The following ATR variants were observed in gnomAD, a reference collection of about 807,000 sequenced individuals.
ATR encodes ATR checkpoint kinase, also known as serine/threonine-protein kinase ATR.
Under a neutral mutation model 305.3 loss-of-function variants are expected in ATR, and 142 were observed. The ratio of observed to expected loss-of-function variants is 0.47; its 90% CI spans 0.41 to 0.53. ATR has a LOEUF of 0.53. Ranked by LOEUF, ATR falls within the 20% of genes least tolerant of loss-of-function variation. ATR has a pLI of 0.00. For synonymous variants in ATR, 1,050 were observed against 1,068.1 expected, an observed-to-expected ratio of 0.98 and a Z score of 0.33; for missense variants, 2,135 against 3,133.1, an observed-to-expected ratio of 0.68 and a Z score of 7.60.
intron 35 of ATR, among the ~76,000 whole-genome samples, chr3:142,490,297 C>G (rs1309870988): frequency 6.6e-6 from 1 of 152,192 alleles, no homozygotes; most frequent in Non-Finnish European, 1.5e-5. Context: ...TTCAAGTGAT[C>G]CTCAGGCCTC....
chr3:142,481,223 T>G (rs1441553718), intron 36 of ATR, among the ~76,000 whole-genome samples: 2 of 152,246 alleles, frequency 1.3e-5, no homozygotes, highest in African/African-American at 4.8e-5. Flanking sequence ...TCGGCCATCT[T>G]GGAACCGCCC....
At chr3:142,540,521 T>C (rs1355294022) in intron 18 of ATR, among the ~76,000 whole-genome samples, 1 of 152,176 alleles carries the variant, frequency 6.6e-6, no homozygotes, top group African/African-American at 2.4e-5. Context: ...AAGGTTATTT[T>C]TTAAATGTCC....
rs757887087 is a variant in ATR, at chr3:142,465,224, G to A, written c.6914C>T (p.Ser2305Phe). Residue 2305 changes from serine to phenylalanine, a missense_variant, in exon 41 of 47, where the codon TCT (serine) becomes TTT (phenylalanine). Coordinates refer to ENST00000350721, the MANE Select transcript of ATR (RefSeq NM_001184.4). ...AGAAATCTTCTTTGGTTTCTGAAGA[G>A]AAGCAAGAATTTCCACCTAAAAGAT... ...GFDDMVEILA[S>F]LQKPKKISLK... 2 of 1,610,064 alleles carry A rather than the reference G, an allele frequency of 1.2e-6. No homozygotes were observed. Among genetic ancestry groups the A allele is most frequent in the South Asian group, 2.2e-5 (2 of 90,868 alleles).
intron 35 of ATR, among the ~76,000 whole-genome samples, chr3:142,489,165 T>C (rs1265106656): frequency 6.6e-6 from 1 of 152,036 alleles, no homozygotes; most frequent in Non-Finnish European, 1.5e-5. Flanking sequence ...AGCAAGACCC[T>C]ATCTCCACAA....
At position 142,522,952 on chromosome 3, in the gene ATR, TAGACAA is replaced by T; in HGVS notation, c.4153-117_4153-112del. 3.5e-6 allele frequency: 3 copies of T among 845,566 alleles called. No individual in the cohort carries two copies. In the South Asian group the frequency reaches 4.3e-5, roughly 12 times the overall value. 52.4% of individuals were successfully genotyped at this position (845,566 alleles called of 1,614,324 possible). On this transcript the variant is annotated intron_variant, in intron 22 of 46. Transcript: ENST00000350721. Reference sequence around the variant, plus strand: ...CTTAACTGCGTAAGTGAATTTAACTTAGACAAAGGAAAAGACAGTGAGGTTCAAACT... The same window carrying T: ...CTTAACTGCGTAAGTGAATTTAACTTAGGAAAAGACAGTGAGGTTCAAACT...
At position 142,458,948 on chromosome 3, in the gene ATR, T is replaced by C. The variant is rs1287934773; in HGVS notation, c.7503+10A>G. 2 of 1,612,816 alleles carry C rather than the reference T, an allele frequency of 1.2e-6. No individual in the cohort carries two copies. Among genetic ancestry groups the C allele is most frequent in the Admixed American group, 1.7e-5 (1 of 59,976 alleles). On this transcript the variant is annotated intron_variant, in intron 44 of 46. Coordinates refer to ENST00000350721, the MANE Select transcript of ATR (RefSeq NM_001184.4). ...AAACACAATTAGTAAGAGTAACTCA[T>C]ATCACATACCTTATTGAAAAGACAA...
rs141786026 is a variant in ATR at position 142,460,387 on chromosome 3, G to C, written c.7193-1004C>G. On this transcript the variant is annotated intron_variant, in intron 42 of 46. Coordinates refer to ENST00000350721, the MANE Select transcript of ATR (RefSeq NM_001184.4). Reference sequence around the variant, plus strand: ...ATCTTTGCAGATGTAATGTTGTTAAGATAAAGTCATTAAGGTGGGCCCTTA... The same window carrying C: ...ATCTTTGCAGATGTAATGTTGTTAACATAAAGTCATTAAGGTGGGCCCTTA... Among the ~76,000 whole-genome samples the C allele has an allele frequency of 1.6e-3, 237 of 152,280 alleles. 1 individual carries two copies. The highest frequency in any genetic ancestry group is 5.5e-3 in the African/African-American group (228 of 41,552).
intron 35 of ATR, among the ~76,000 whole-genome samples, chr3:142,486,593 G>T (rs2030939768): frequency 6.6e-6 from 1 of 151,750 alleles, no homozygotes; most frequent in African/African-American, 2.4e-5. Context: ...TTATCACAAA[G>T]TAATTACCTT....
intron 36 of ATR, among the ~76,000 whole-genome samples, chr3:142,470,615 T>C (rs1481693091): frequency 6.6e-6 from 1 of 152,128 alleles, no homozygotes; most frequent in Non-Finnish European, 1.5e-5. Flanking sequence ...CAGACTAACA[T>C]TCCTGAAATT....
intron 28 of ATR, among the ~76,000 whole-genome samples, chr3:142,506,701 A>C (rs999058365): frequency 8.2e-4 from 125 of 152,138 alleles, no homozygotes; most frequent in African/African-American, 2.8e-3. Context: ...TAAATAAATA[A>C]ATAAAATAAC....
intron 22 of ATR, 33 bp downstream of exon 22, chr3:142,523,960 A>G (rs745445396): frequency 5.7e-5 from 90 of 1,589,686 alleles, no homozygotes; most frequent in Non-Finnish European, 7.5e-5. Flanking sequence ...AGGACAGAGA[A>G]CTCTTTTGTC....
At chr3:142,538,660 T>C (rs778190270) in intron 18 of ATR, 35 bp from the exon 19 acceptor site, 2 of 1,610,656 alleles carry the variant, frequency 1.2e-6, no homozygotes, top group Admixed American at 3.3e-5. Flanking sequence ...GAAGTCCAAT[T>C]ACTTTTATTA....
At position 142,497,123 on chromosome 3, in the gene ATR, A is replaced by G. The variant is rs578009177; in HGVS notation, c.5628T>C (p.Ser1876=). ...CTACCCAGTTTAGAGAATCTTCTTGAGAACTGTCACCTGGAGAATGCTGGA... is the reference window on the plus strand; with the variant it reads ...CTACCCAGTTTAGAGAATCTTCTTGGGAACTGTCACCTGGAGAATGCTGGA... ...PLFQHSPGDS[S]QEDSLNWVAR... The change falls in exon 33 of 47, where the codon TCT becomes TCC. Residue 1876 remains serine, a synonymous_variant. Transcript: ENST00000350721. 11 of 1,614,108 alleles carry G rather than the reference A, an allele frequency of 6.8e-6. No individual in the cohort carries two copies. The South Asian group carries it at 1.1e-4, about 16-fold the overall frequency.
intron 42 of ATR, 141 bp from the exon 43 acceptor site, chr3:142,459,524 T>C: frequency 1.1e-6 from 1 of 952,270 alleles, no homozygotes; most frequent in East Asian, 2.6e-5. Context: ...CATTTTTCAA[T>C]TAAGCATACA....
rs770741568 is a variant in ATR at position 142,470,065 on chromosome 3, C to G, written c.6319+21G>C. The G allele has an allele frequency of 5.1e-6, 8 of 1,566,050 alleles. No homozygotes were observed. In the Admixed American group the frequency reaches 1.4e-4, roughly 26 times the overall value. On this transcript the variant is annotated intron_variant, in intron 37 of 46. Transcript: ENST00000350721. ...AGTTATAATTCCTAGTCCTTTAAAACTTTTACGTGAAGAGTTATACCTTTT... is the reference window on the plus strand; with the variant it reads ...AGTTATAATTCCTAGTCCTTTAAAAGTTTTACGTGAAGAGTTATACCTTTT...
intron 24 of ATR, among the ~76,000 whole-genome samples, chr3:142,517,344 C>A: frequency 1.1e-5 from 1 of 86,992 alleles, no homozygotes. Flanking sequence ...TATAAAGAGC[C>A]CAAATTAAAA....
At chr3:142,533,199 G>A (rs1410925896) in intron 21 of ATR, among the ~76,000 whole-genome samples, 1 of 152,194 alleles carries the variant, frequency 6.6e-6, no homozygotes, top group Admixed American at 6.5e-5. Context: ...GGAGGCTGAA[G>A]TGGGAGAATT....
chr3:142,453,095 T>G, intron 46 of ATR, 33 bp downstream of exon 46: 1 of 1,613,600 alleles, frequency 6.2e-7, no homozygotes, highest in Non-Finnish European at 8.5e-7. Context: ...AGATGAGGAC[T>G]ACAGCCCATA....
intron 3 of ATR, 71 bp downstream of exon 3, chr3:142,566,050 T>G: frequency 6.3e-7 from 1 of 1,593,646 alleles, no homozygotes; most frequent in Non-Finnish European, 8.6e-7. Flanking sequence ...ACATGTAATA[T>G]TTCAGAAGAG....
Sources: gnomAD v4.1 joint callset for allele counts (sites outside exome capture counted in the v4.1 genomes callset) on GRCh38, gnomAD v4.1.1 for gene constraint, MANE v1.5 for transcripts, NCBI Gene and HGNC (gene_info 2026-07-23, HGNC 2026-07-21) for gene names.